Variants in KCNJ16 observed in about 807,000 individuals in gnomAD.
The protein encoded by KCNJ16 is potassium inwardly rectifying channel subfamily J member 16.
KCNJ16 carries 15 observed loss-of-function variants against 18.5 expected under a neutral mutation model. That is an observed-to-expected ratio of 0.81 (90% CI 0.54 to 1.25). The LOEUF is 1.25. Ranked by LOEUF, KCNJ16 falls within the 50% of genes most tolerant of loss-of-function variation. The probability of loss-of-function intolerance (pLI) is 0.00; values close to 1 mark genes in which losing one functional copy is unlikely to be tolerated. For synonymous variants in KCNJ16, 174 were observed against 186.5 expected, an observed-to-expected ratio of 0.93 and a Z score of 0.55; for missense variants, 523 against 525.7, an observed-to-expected ratio of 0.99 and a Z score of 0.05.
intron 1 of KCNJ16, among the ~76,000 whole-genome samples, chr17:70,086,298 T>A (rs2071793394): frequency 1.3e-5 from 2 of 152,338 alleles, no homozygotes; most frequent in Admixed American, 6.5e-5. Context: ...AATATTTTGT[T>A]TGCCATTTAT....
chr17:70,096,756 CAG>C, intron 1 of KCNJ16: 1 of 384,478 alleles, frequency 2.6e-6, no homozygotes, highest in Non-Finnish European at 4.6e-6. Flanking sequence ...TCAAGCATCT[CAG>C]AGCGAGCGTG....
intron 1 of KCNJ16, among the ~76,000 whole-genome samples, chr17:70,096,197 T>C (rs1465889647): frequency 6.6e-6 from 1 of 152,090 alleles, no homozygotes; most frequent in Non-Finnish European, 1.5e-5. Context: ...CAATCCTTTT[T>C]CCAGTCCATT....
chr17:70,102,377 G>A (rs748163897), intron 2 of KCNJ16, among the ~76,000 whole-genome samples: 5 of 151,328 alleles, frequency 3.3e-5, no homozygotes, highest in Admixed American at 1.3e-4. Flanking sequence ...ACAGGCATGC[G>A]CCACCACGCC....
chr17:70,099,481 C>A (rs917020833), intron 1 of KCNJ16, among the ~76,000 whole-genome samples: 1 of 151,578 alleles, frequency 6.6e-6, no homozygotes, highest in African/African-American at 2.4e-5. Flanking sequence ...TGGGTAAGGT[C>A]TAGTCATCAT....
At chr17:70,123,902 T>C (rs568325799) in intron 2 of KCNJ16, among the ~76,000 whole-genome samples, 1 of 152,286 alleles carries the variant, frequency 6.6e-6, no homozygotes, top group African/African-American at 2.4e-5. Context: ...AAGGCTGTTA[T>C]GTAAACCAGG....
intron 2 of KCNJ16, among the ~76,000 whole-genome samples, chr17:70,109,963 A>G (rs1415901859): frequency 1.3e-5 from 2 of 152,166 alleles, no homozygotes; most frequent in Non-Finnish European, 2.9e-5. Flanking sequence ...ATCTGCACCT[A>G]CAATGTCAGG....
intron 2 of KCNJ16, among the ~76,000 whole-genome samples, chr17:70,114,993 G>A (rs2073347105): frequency 6.6e-6 from 1 of 152,150 alleles, no homozygotes; most frequent in Admixed American, 6.6e-5. Flanking sequence ...CCACTGATGT[G>A]CATTTTCAGA....
intron 2 of KCNJ16, among the ~76,000 whole-genome samples, chr17:70,126,283 CG>C (rs758591005): frequency 4.6e-5 from 7 of 152,172 alleles, no homozygotes; most frequent in Non-Finnish European, 1.0e-4. Context: ...TCAGTAAACA[CG>C]ATTAACTTAT....
intron 2 of KCNJ16, among the ~76,000 whole-genome samples, chr17:70,108,103 CTA>C (rs1408579491): frequency 1.3e-5 from 2 of 152,280 alleles, no homozygotes; most frequent in African/African-American, 4.8e-5. Flanking sequence ...GCCCCTGTCT[CTA>C]CTGCATGAAT....
At position 70,132,119 on chromosome 17, in the gene KCNJ16, T is replaced by G; in HGVS notation, c.32T>G (p.Ile11Ser). 1.2e-6 allele frequency: 2 copies of G among 1,614,196 alleles called. No homozygotes were observed. Among genetic ancestry groups the G allele is most frequent in the Non-Finnish European group, 1.7e-6 (2 of 1,180,024 alleles). Reference protein sequence around the residue: MSYYGSSYHIINADAKYPGYP... With the variant: MSYYGSSYHISNADAKYPGYP... Reference sequence around the variant, plus strand: ...TATTACGGCAGCAGCTATCATATTATCAATGCGGACGCAAAATACCCAGGC... The same window carrying G: ...TATTACGGCAGCAGCTATCATATTAGCAATGCGGACGCAAAATACCCAGGC... The change falls in exon 4 of 4, where the codon ATC becomes AGC. Residue 11 changes from isoleucine (I) to serine (S), a missense_variant. By Grantham distance (142) the Ile-to-Ser change is moderately radical. Coordinates refer to ENST00000392671, the MANE Select transcript of KCNJ16 (RefSeq NM_170741.4).
At chr17:70,108,724 A>G (rs1435074204) in intron 2 of KCNJ16, among the ~76,000 whole-genome samples, 1 of 152,138 alleles carries the variant, frequency 6.6e-6, no homozygotes, top group African/African-American at 2.4e-5. Context: ...CTGTGGCTAG[A>G]AAACTATTTT....
chr17:70,116,953 G>A lies in KCNJ16; in HGVS notation c.-190-13926G>A, dbSNP rs144924543. ...TTCAAACCAACAATCCTGTTACTGGGTATATATTCAAAAGAAAACAAATCA... is the reference window on the plus strand; with the variant it reads ...TTCAAACCAACAATCCTGTTACTGGATATATATTCAAAAGAAAACAAATCA... On this transcript the variant is annotated intron_variant, in intron 2 of 3. Transcript: ENST00000392671. 4.6e-3 allele frequency among the ~76,000 whole-genome samples: 703 copies of A among 152,196 alleles called. 9 individuals are homozygous for A. Among genetic ancestry groups the A allele is most frequent in the African/African-American group, 0.016 (678 of 41,528 alleles).
intron 2 of KCNJ16, among the ~76,000 whole-genome samples, chr17:70,129,934 ATTTATTTATTTATTTT>A (rs1259312770): frequency 2.2e-5 from 3 of 138,986 alleles, no homozygotes; most frequent in African/African-American, 1.0e-4. Flanking sequence ...TTATTTATTT[ATTTATTTATTTATTTT>A]TTGGCAGAAG....
chr17:70,094,889 T>C (rs369184333), intron 1 of KCNJ16, among the ~76,000 whole-genome samples: 112 of 152,324 alleles, frequency 7.4e-4, no homozygotes, highest in African/African-American at 2.6e-3. Context: ...GCCGTAGAAT[T>C]TGTCCACAGA....
chr17:70,114,991 G>A (rs1305685306), intron 2 of KCNJ16, among the ~76,000 whole-genome samples: 1 of 152,118 alleles, frequency 6.6e-6, no homozygotes, highest in Non-Finnish European at 1.5e-5. Context: ...ATCCACTGAT[G>A]TGCATTTTCA....
intron 1 of KCNJ16, among the ~76,000 whole-genome samples, chr17:70,085,462 C>T (rs1318238973): frequency 6.6e-6 from 1 of 152,130 alleles, no homozygotes; most frequent in Non-Finnish European, 1.5e-5. Flanking sequence ...AAGGTATGGG[C>T]TTTTAACCAG....
chr17:70,113,743 T>C (rs1473382125), intron 2 of KCNJ16, among the ~76,000 whole-genome samples: 1 of 152,154 alleles, frequency 6.6e-6, no homozygotes, highest in African/African-American at 2.4e-5. Context: ...TCATAGATAA[T>C]AAAATTCCAA....
intron 2 of KCNJ16, 21 bp from the exon 3 acceptor site, chr17:70,130,858 A>G (rs1381339046): frequency 2.9e-6 from 3 of 1,051,392 alleles, no homozygotes; most frequent in African/African-American, 1.6e-5. Context: ...CAATACTTTT[A>G]TTTTTGTTTG....
At chr17:70,099,138 T>C (rs1490155593) in intron 1 of KCNJ16, among the ~76,000 whole-genome samples, 2 of 152,210 alleles carry the variant, frequency 1.3e-5, no homozygotes, top group East Asian at 1.9e-4. Flanking sequence ...TGACCATATA[T>C]CACAGCAGTA....
Sources: gnomAD v4.1 joint callset for allele counts (sites outside exome capture counted in the v4.1 genomes callset) on GRCh38, gnomAD v4.1.1 for gene constraint, MANE v1.5 for transcripts, NCBI Gene and HGNC (gene_info 2026-07-23, HGNC 2026-07-21) for gene names.